Variants in MKLN1 observed in about 807,000 individuals in gnomAD.
MKLN1 encodes muskelin 1, also known as muskelin.
MKLN1 carries 18 observed loss-of-function variants against 99.0 expected under a neutral mutation model. The observed-to-expected ratio is 0.18, with a 90% CI of 0.13 to 0.27. MKLN1 has a LOEUF of 0.27. Among genes scored for constraint, MKLN1 ranks in the 10% least tolerant of loss-of-function variants. The pLI, the probability that MKLN1 is intolerant of heterozygous loss-of-function variation, is 1.00. For synonymous variants in MKLN1, 288 were observed against 293.2 expected, an observed-to-expected ratio of 0.98 and a Z score of 0.18; for missense variants, 621 against 875.9, an observed-to-expected ratio of 0.71 and a Z score of 3.67.
At chr7:131,251,344 G>A (rs1797575438) in intron 3 of MKLN1, among the ~76,000 whole-genome samples, 1 of 152,122 alleles carries the variant, frequency 6.6e-6, no homozygotes, top group African/African-American at 2.4e-5. Flanking sequence ...TGATGTTTTG[G>A]TTGCTGCACA....
rs111396076 is a variant in MKLN1, at chr7:131,388,630, T to C, written c.312-254T>C. On this transcript the variant is annotated intron_variant, in intron 3 of 17. Coordinates refer to ENST00000352689, the MANE Select transcript of MKLN1 (RefSeq NM_013255.5). ...CCCTGTCACACATTTTTAAACACCG[T>C]AGCTACATTCTTTATAATACTGAAC... Among the ~76,000 whole-genome samples, 530 of 152,360 alleles carry C rather than the reference T, an allele frequency of 3.5e-3. 2 individuals carry two copies. Among genetic ancestry groups the C allele is most frequent in the African/African-American group, 0.012 (504 of 41,592 alleles).
At chr7:131,378,882 CTT>C (rs912728269) in intron 2 of MKLN1, among the ~76,000 whole-genome samples, 16 of 128,740 alleles carry the variant, frequency 1.2e-4, no homozygotes, top group Admixed American at 1.6e-4. Flanking sequence ...AAAGCTGGGA[CTT>C]TTTTTTTTTT....
chr7:131,480,462 C>T (rs142424851), intron 17 of MKLN1, among the ~76,000 whole-genome samples: 12 of 152,252 alleles, frequency 7.9e-5, no homozygotes, highest in East Asian at 5.8e-4. Context: ...TGAGGTCTTG[C>T]CCTTTATCCA....
Position 131,467,396 on chromosome 7 carries a change from T to C in MKLN1, c.1928+981T>C, listed in dbSNP as rs376665569. Among the ~76,000 whole-genome samples, 7 of 152,180 alleles carry C rather than the reference T, an allele frequency of 4.6e-5. No homozygotes were observed. In the East Asian group the frequency reaches 7.7e-4, roughly 17 times the overall value. On this transcript the variant is annotated intron_variant, in intron 15 of 17. Transcript: ENST00000352689. Reference sequence around the variant, plus strand: ...GGTAAGTACAATGAAAAGAAACAGATTGAGTTATTGTTTGTACAGGTGAGG... The same window carrying C: ...GGTAAGTACAATGAAAAGAAACAGACTGAGTTATTGTTTGTACAGGTGAGG...
At chr7:131,390,816 G>A (rs10278166) in intron 4 of MKLN1, among the ~76,000 whole-genome samples, 2,456 of 151,920 alleles carry the variant, frequency 0.016, 46 homozygotes, top group African/African-American at 0.054. Flanking sequence ...CAACAGCCAC[G>A]CATTTCTCTC....
chr7:131,189,164 T>C (rs1796494845), intron 2 of MKLN1, among the ~76,000 whole-genome samples: 1 of 152,194 alleles, frequency 6.6e-6, no homozygotes, highest in Non-Finnish European at 1.5e-5. Context: ...ACCTACAATA[T>C]TCTGGCTGAT....
At chr7:131,325,103 A>T (rs1798857635), upstream of MKLN1, among the ~76,000 whole-genome samples, 1 of 151,986 alleles carries the variant, frequency 6.6e-6, no homozygotes, top group African/African-American at 2.4e-5. Context: ...AGCATTATTC[A>T]TTCACTCTTT....
At chr7:131,443,818 G>A (rs536452550) in intron 11 of MKLN1, 116 bp downstream of exon 11, 2 of 789,896 alleles carry the variant, frequency 2.5e-6, no homozygotes, top group African/African-American at 3.5e-5. Context: ...GACAGAGAAA[G>A]ACAAAACTTC....
At chr7:131,471,078 G>A in intron 16 of MKLN1, 134 bp downstream of exon 16, 1 of 604,402 alleles carries the variant, frequency 1.7e-6, no homozygotes, top group Non-Finnish European at 2.8e-6. Flanking sequence ...TCTTTAAAAT[G>A]TCACAGAGCA....
intron 3 of MKLN1, among the ~76,000 whole-genome samples, chr7:131,226,776 A>T (rs2116464447): frequency 6.6e-6 from 1 of 151,178 alleles, no homozygotes; most frequent in Admixed American, 6.6e-5. Context: ...ATATCCTCTC[A>T]TTTGCTGTGT....
chr7:131,233,302 G>A (rs1001198957), intron 3 of MKLN1, among the ~76,000 whole-genome samples: 5 of 151,882 alleles, frequency 3.3e-5, no homozygotes, highest in Non-Finnish European at 5.9e-5. Flanking sequence ...GAGCTCAGGA[G>A]ATTGAGATTG....
rs1794057668 is a variant in MKLN1 at position 131,387,177 on chromosome 7, T to C, written c.226T>C (p.Tyr76His). 6.2e-7 allele frequency: 1 copy of C among 1,612,018 alleles called. No homozygotes were observed. Among genetic ancestry groups the C allele is most frequent in the Non-Finnish European group, 8.5e-7 (1 of 1,178,876 alleles). The change falls in exon 3 of 18, where the codon TAT (tyrosine) becomes CAT (histidine). Residue 76 changes from tyrosine (Y) to histidine (H), a missense_variant. Transcript: ENST00000352689. ...AGTTCAGAATATCACATTTGGAAAA[T>C]ATGAGAAAACTCATGTTTGCAATTT... ...AIVQNITFGK[Y>H]EKTHVCNLKK...
chr7:131,258,166 A>G (rs2116530269), intron 3 of MKLN1, among the ~76,000 whole-genome samples: 1 of 149,620 alleles, frequency 6.7e-6, no homozygotes, highest in African/African-American at 2.4e-5. Context: ...TTGAGAGGAC[A>G]CCACCACAGA....
chr7:131,369,369 T>C (rs1800277008), intron 1 of MKLN1, among the ~76,000 whole-genome samples: 1 of 152,222 alleles, frequency 6.6e-6, no homozygotes, highest in Non-Finnish European at 1.5e-5. Context: ...CCTAATTTTC[T>C]GATAATTAGG....
intron 1 of MKLN1, among the ~76,000 whole-genome samples, chr7:131,139,341 C>A (rs1795697469): frequency 6.6e-6 from 1 of 151,994 alleles, no homozygotes; most frequent in Admixed American, 6.6e-5. Flanking sequence ...TGGACTCCCC[C>A]CGTCCCTCCC....
At position 131,162,618 on chromosome 7, in the gene MKLN1, G is replaced by T. The variant is rs955227589; in HGVS notation, c.-297+19677G>T. ...TGTATATGAAACACACATGATTTTT[G>T]AATTTAGACTTGGGTCTTATTCCCG... On this transcript the variant is annotated intron_variant, in intron 2 of 7. Transcript: ENST00000416992. Among the ~76,000 whole-genome samples, 3 of 152,136 alleles carry T rather than the reference G, an allele frequency of 2.0e-5. No homozygotes were observed. The East Asian group carries it at 5.8e-4, about 29-fold the overall frequency.
chr7:131,441,626 C>T (rs1168911852), intron 10 of MKLN1, among the ~76,000 whole-genome samples: 2 of 151,868 alleles, frequency 1.3e-5, no homozygotes, highest in Non-Finnish European at 2.9e-5. Flanking sequence ...GCGTGGAAAT[C>T]GAATATTAAA....
At chr7:131,388,280 G>C (rs563090863) in intron 3 of MKLN1, among the ~76,000 whole-genome samples, 16 of 152,274 alleles carry the variant, frequency 1.1e-4, no homozygotes, top group African/African-American at 3.6e-4. Flanking sequence ...AAGTATTTCA[G>C]GAAATGTAAA....
chr7:131,117,297 G>A (rs1022008535), intron 1 of MKLN1, among the ~76,000 whole-genome samples: 4 of 151,948 alleles, frequency 2.6e-5, no homozygotes, highest in African/African-American at 9.7e-5. Flanking sequence ...GGGCGTGGTG[G>A]TGCACACCTG....
Sources: gnomAD v4.1 joint callset for allele counts (sites outside exome capture counted in the v4.1 genomes callset) on GRCh38, gnomAD v4.1.1 for gene constraint, MANE v1.5 for transcripts, NCBI Gene and HGNC (gene_info 2026-07-23, HGNC 2026-07-21) for gene names.